GTF2F2: variants seen among roughly 807,000 people sequenced by gnomAD.
GTF2F2 encodes the protein general transcription factor IIF subunit 2.
GTF2F2 carries 23 observed loss-of-function variants against 42.2 expected under a neutral mutation model. The observed-to-expected ratio is 0.55, with a 90% CI of 0.39 to 0.77. The LOEUF (loss-of-function observed/expected upper bound fraction) is 0.77. GTF2F2 is among the 30% of genes least tolerant of loss of function. The pLI is 0.00. For missense variants in GTF2F2, 261 were observed against 287.2 expected, an observed-to-expected ratio of 0.91 and a Z score of 0.66; for synonymous variants, 105 against 100.8, an observed-to-expected ratio of 1.04 and a Z score of -0.25.
chr13:45,193,919 C>T, intron 4 of GTF2F2: 1 of 1,614,124 alleles, frequency 6.2e-7, no homozygotes, highest in East Asian at 2.2e-5. Context: ...AAGGTACAGA[C>T]AAAGGTGTTG....
intron 2 of GTF2F2, among the ~76,000 whole-genome samples, chr13:45,145,035 G>A (rs897327013): frequency 1.3e-5 from 2 of 152,060 alleles, no homozygotes; most frequent in East Asian, 1.9e-4. Context: ...TTCAGTTCTC[G>A]ATGATGCCAT....
chr13:45,255,166 C>CAAA (rs55795620), intron 6 of GTF2F2, among the ~76,000 whole-genome samples: 36 of 76,030 alleles, frequency 4.7e-4, no homozygotes, highest in East Asian at 1.1e-3. Context: ...GACTTTGTCT[C>CAAA]AAAAAAAAAA....
At chr13:45,156,425 CT>C (rs1566117208) in intron 4 of GTF2F2, among the ~76,000 whole-genome samples, 1 of 152,180 alleles carries the variant, frequency 6.6e-6, no homozygotes, top group African/African-American at 2.4e-5. Context: ...ACTTGGCATT[CT>C]TTTACCTGTC....
chr13:45,188,153 G>T (rs1322923560), intron 4 of GTF2F2, among the ~76,000 whole-genome samples: 3 of 152,118 alleles, frequency 2.0e-5, no homozygotes, highest in Non-Finnish European at 2.9e-5. Context: ...TGATCCACCC[G>T]CCTTGGCCTC....
intron 4 of GTF2F2, among the ~76,000 whole-genome samples, chr13:45,157,191 G>A (rs762288227): frequency 3.9e-5 from 6 of 152,132 alleles, no homozygotes; most frequent in Non-Finnish European, 8.8e-5. Flanking sequence ...AATGACTAAT[G>A]CTCCAAGTTG....
At chr13:45,192,551 T>C (rs2138170894) in intron 4 of GTF2F2, among the ~76,000 whole-genome samples, 1 of 152,308 alleles carries the variant, frequency 6.6e-6, no homozygotes, top group South Asian at 2.1e-4. Flanking sequence ...AAAGAGCAAA[T>C]TTAAATATAT....
At chr13:45,197,537 A>G (rs1379824692) in intron 4 of GTF2F2, among the ~76,000 whole-genome samples, 7 of 150,616 alleles carry the variant, frequency 4.6e-5, no homozygotes, top group Admixed American at 4.6e-4. Flanking sequence ...GGCACCCAGT[A>G]GGCCCCGCTG....
intron 5 of GTF2F2, among the ~76,000 whole-genome samples, chr13:45,229,767 G>C (rs1247758616): frequency 6.6e-6 from 1 of 152,198 alleles, no homozygotes; most frequent in East Asian, 1.9e-4. Flanking sequence ...GAAATATTCA[G>C]AACACTTAGA....
chr13:45,161,214 G>A (rs1372842506), intron 4 of GTF2F2, among the ~76,000 whole-genome samples: 1 of 152,186 alleles, frequency 6.6e-6, no homozygotes, highest in East Asian at 1.9e-4. Flanking sequence ...GGTGGTACCA[G>A]TAGCCTTACC....
At chr13:45,219,018 T>G (rs973781952) in intron 5 of GTF2F2, among the ~76,000 whole-genome samples, 2 of 151,988 alleles carry the variant, frequency 1.3e-5, no homozygotes, top group African/African-American at 2.4e-5. Flanking sequence ...ATGTTGGGGG[T>G]TTTTTTGTTT....
At position 45,120,804 on chromosome 13, in the gene GTF2F2, C is replaced by T. The variant is rs1019154049; in HGVS notation, c.66+83C>T. 12 of 989,954 alleles carry T rather than the reference C, an allele frequency of 1.2e-5. 1 individual carries two copies. In the Middle Eastern group the frequency reaches 1.2e-3, roughly 101 times the overall value. 61.3% of individuals were successfully genotyped at this position (989,954 alleles called of 1,614,324 possible). On this transcript the variant is annotated intron_variant, in intron 1 of 7. Coordinates refer to ENST00000340473, the MANE Select transcript of GTF2F2 (RefSeq NM_004128.3). ...CTTGAGCCTATCCCGCTCCGTGCGC[C>T]TCTTAAAGTTCTTTTACGGCTATCT... is the stretch of plus-strand genomic sequence containing the variant.
At chr13:45,271,560 C>A (rs886688163) in intron 7 of GTF2F2, among the ~76,000 whole-genome samples, 3 of 150,068 alleles carry the variant, frequency 2.0e-5, no homozygotes, top group African/African-American at 7.3e-5. Context: ...TTTTTTTTTT[C>A]TTTCTTTCTT....
chr13:45,211,078 G>A (rs1302977180), intron 5 of GTF2F2, among the ~76,000 whole-genome samples: 1 of 152,160 alleles, frequency 6.6e-6, no homozygotes, highest in Non-Finnish European at 1.5e-5. Context: ...GGTTGGTGGT[G>A]GCTCTTGTGG....
chr13:45,128,087 A>G (rs1366656994), intron 1 of GTF2F2, among the ~76,000 whole-genome samples: 2 of 146,382 alleles, frequency 1.4e-5, no homozygotes, highest in Non-Finnish European at 3.0e-5. Context: ...CAGCCTCCCG[A>G]GTAGCTGAGA....
intron 4 of GTF2F2, among the ~76,000 whole-genome samples, chr13:45,164,717 C>A (rs984515497): frequency 6.6e-6 from 1 of 152,030 alleles, no homozygotes; most frequent in Non-Finnish European, 1.5e-5. Flanking sequence ...CAGAGTGAGA[C>A]CCTGTCTGGA....
chr13:45,211,475 C>T (rs1873638941), intron 5 of GTF2F2, among the ~76,000 whole-genome samples: 1 of 150,980 alleles, frequency 6.6e-6, no homozygotes, highest in African/African-American at 2.4e-5. Flanking sequence ...CACTATGTTG[C>T]CCAGGCTGAT....
intron 6 of GTF2F2, among the ~76,000 whole-genome samples, chr13:45,260,453 G>C (rs1055590961): frequency 6.6e-6 from 1 of 152,106 alleles, no homozygotes; most frequent in Non-Finnish European, 1.5e-5. Context: ...GAGGGGAGGG[G>C]GAATAATATC....
At chr13:45,229,556 T>C (rs1874562453) in intron 5 of GTF2F2, among the ~76,000 whole-genome samples, 1 of 152,110 alleles carries the variant, frequency 6.6e-6, no homozygotes, top group Admixed American at 6.6e-5. Context: ...GAGAAGATAG[T>C]ATAAATATGT....
At chr13:45,265,331 A>AT (rs1876520455) in intron 6 of GTF2F2, among the ~76,000 whole-genome samples, 1 of 151,214 alleles carries the variant, frequency 6.6e-6, no homozygotes, top group Admixed American at 6.6e-5. Context: ...ATTCATTTGC[A>AT]TTTTTTTTAA....
Sources: allele counts gnomAD v4.1 joint callset (sites outside exome capture counted in the v4.1 genomes callset), GRCh38; gene constraint gnomAD v4.1.1; transcripts MANE v1.5; gene names NCBI Gene and HGNC (gene_info 2026-07-23, HGNC 2026-07-21).